STRADA: variants seen among roughly 807,000 people sequenced by gnomAD.
The protein encoded by STRADA is STE20-related kinase adapter protein alpha.
Under a neutral mutation model 55.0 loss-of-function variants are expected in STRADA, and 26 were observed. The ratio of observed to expected loss-of-function variants is 0.47; its 90% confidence interval spans 0.35 to 0.66. The LOEUF is 0.66. STRADA is among the 30% of genes least tolerant of loss of function. The pLI, the probability that STRADA is intolerant of heterozygous loss-of-function variation, is 0.01. For synonymous variants in STRADA, 197 were observed against 210.9 expected, an observed-to-expected ratio of 0.93 and a Z score of 0.57; for missense variants, 443 against 549.7, an observed-to-expected ratio of 0.81 and a Z score of 1.94.
intron 3 of STRADA, 74 bp from the exon 4 acceptor site, chr17:63,723,400 T>C: frequency 1.9e-6 from 3 of 1,572,322 alleles, no homozygotes; most frequent in South Asian, 2.2e-5. Context: ...ACAGCAATTA[T>C]TGTACTTAGG....
In STRADA at chr17:63,713,000, CA is replaced by C. The variant is rs5821401; in HGVS notation, c.348+405del. 4.4e-3 allele frequency among the ~76,000 whole-genome samples: 557 copies of C among 125,504 alleles called. 2 individuals are homozygous for C. Among genetic ancestry groups the C allele is most frequent in the Non-Finnish European group, 6.5e-3 (389 of 59,516 alleles). 82.3% of individuals were successfully genotyped at this position (125,504 alleles called of 152,430 possible). On this transcript the variant is annotated intron_variant, in intron 6 of 12. Transcript: ENST00000336174. Reference sequence around the variant, plus strand: ...TGGGTGACAGAGTGAGAATCCGTCTCAAAAAAAAAAAAAAAGAAAAGAAAAA... The same window carrying C: ...TGGGTGACAGAGTGAGAATCCGTCTCAAAAAAAAAAAAAAGAAAAGAAAAA...
At chr17:63,704,137 C>T (rs1366890889) in intron 11 of STRADA, 90 bp from the exon 12 acceptor site, 2 of 1,547,752 alleles carry the variant, frequency 1.3e-6, no homozygotes, top group African/African-American at 1.4e-5. Flanking sequence ...CCTCGGGTCC[C>T]CTCTCCCTCT....
intron 1 of STRADA, among the ~76,000 whole-genome samples, chr17:63,735,067 A>G (rs2038320115): frequency 6.6e-6 from 1 of 152,202 alleles, no homozygotes; most frequent in South Asian, 2.1e-4. Context: ...AGACAGGAGA[A>G]TCGTTTGAAC....
intron 1 of STRADA, among the ~76,000 whole-genome samples, chr17:63,733,363 T>TTA (rs1348405731): frequency 6.6e-6 from 1 of 151,990 alleles, no homozygotes; most frequent in Non-Finnish European, 1.5e-5. Flanking sequence ...ATCTTTTTTT[T>TTA]TTATTTCCTT....
rs2036440385 is a variant in STRADA, at chr17:63,710,715, C to T, written c.457+13G>A. Reference sequence around the variant, plus strand: ...CAATAACCCCTTTCTACCAAGAACCCTTTCCCACTCACCGTATGCCATGAA... The same window carrying T: ...CAATAACCCCTTTCTACCAAGAACCTTTTCCCACTCACCGTATGCCATGAA... On this transcript the variant is annotated intron_variant, in intron 7 of 12. Transcript: ENST00000336174. 2 of 1,614,114 alleles carry T rather than the reference C, an allele frequency of 1.2e-6. No homozygotes were observed. The highest frequency in any genetic ancestry group is 2.2e-5 in the South Asian group (2 of 91,072).
At chr17:63,717,342 T>C (rs1319965385) in intron 4 of STRADA, among the ~76,000 whole-genome samples, 1 of 152,170 alleles carries the variant, frequency 6.6e-6, no homozygotes, top group Non-Finnish European at 1.5e-5. Context: ...GAGTCTCACT[T>C]TGTCACCCAG....
chr17:63,738,987 T>C (rs906818600), intron 1 of STRADA, among the ~76,000 whole-genome samples: 3 of 151,382 alleles, frequency 2.0e-5, no homozygotes, highest in Admixed American at 6.6e-5. Flanking sequence ...TCATCTCTAC[T>C]AAAATTACAA....
At chr17:63,721,590 T>C (rs2037327908) in intron 4 of STRADA, among the ~76,000 whole-genome samples, 1 of 151,354 alleles carries the variant, frequency 6.6e-6, no homozygotes, top group Non-Finnish European at 1.5e-5. Flanking sequence ...GGCACAGGCC[T>C]GTAATCCCAG....
intron 10 of STRADA, 43 bp from the exon 11 acceptor site, chr17:63,704,625 G>GTA: frequency 4.0e-6 from 4 of 990,996 alleles, no homozygotes; most frequent in Non-Finnish European, 4.3e-6. Flanking sequence ...GCGGGTGGGG[G>GTA]GGGGGGGTGG....
intron 4 of STRADA, among the ~76,000 whole-genome samples, chr17:63,721,893 C>T (rs960855539): frequency 2.6e-5 from 4 of 152,048 alleles, no homozygotes; most frequent in African/African-American, 7.2e-5. Context: ...TGTATAGGTC[C>T]GAACTCAAAG....
At chr17:63,720,785 A>T (rs2037251171) in intron 4 of STRADA, among the ~76,000 whole-genome samples, 1 of 149,024 alleles carries the variant, frequency 6.7e-6, no homozygotes, top group African/African-American at 2.5e-5. Flanking sequence ...AAAAAAAAAA[A>T]AAAAAGTAAA....
chr17:63,730,971 G>A (rs1047041451), intron 1 of STRADA, among the ~76,000 whole-genome samples: 2 of 150,924 alleles, frequency 1.3e-5, no homozygotes, highest in African/African-American at 2.4e-5. Flanking sequence ...TTTTGAGATG[G>A]AGTCTCGCTC....
chr17:63,731,071 G>A (rs1001014537), intron 1 of STRADA, among the ~76,000 whole-genome samples: 1 of 151,950 alleles, frequency 6.6e-6, no homozygotes, highest in Non-Finnish European at 1.5e-5. Flanking sequence ...AGCCTCCTGA[G>A]TAGCTGGGAC....
At chr17:63,713,575 G>C in intron 5 of STRADA, 48 bp from the exon 6 acceptor site, 2 of 1,583,924 alleles carry the variant, frequency 1.3e-6, no homozygotes, top group Middle Eastern at 1.7e-4. Context: ...ACAACAAAAG[G>C]TTTTAAGAAA....
chr17:63,720,847 A>G (rs185666283), intron 4 of STRADA, among the ~76,000 whole-genome samples: 1 of 152,122 alleles, frequency 6.6e-6, no homozygotes, highest in East Asian at 1.9e-4. Flanking sequence ...CTGTAATCCC[A>G]GCACTTTGGG....
intron 4 of STRADA, among the ~76,000 whole-genome samples, chr17:63,720,513 A>G (rs62077481): frequency 0.7 from 106,102 of 151,438 alleles, 38,590 homozygotes; most frequent in African/African-American, 0.92. Flanking sequence ...GGTGGCTCAC[A>G]CCTGTAATCC....
chr17:63,732,089 C>T (rs973573634), intron 1 of STRADA, among the ~76,000 whole-genome samples: 6 of 152,030 alleles, frequency 3.9e-5, no homozygotes, highest in African/African-American at 9.7e-5. Flanking sequence ...AGGATGGTCT[C>T]GATCTCCTGA....
chr17:63,708,489 T>A (rs2036270075), intron 8 of STRADA, among the ~76,000 whole-genome samples: 1 of 151,866 alleles, frequency 6.6e-6, no homozygotes. Flanking sequence ...GCTATAACTA[T>A]GTTTTAATGA....
chr17:63,717,999 G>C lies in STRADA; in HGVS notation c.124-3891C>G, dbSNP rs1427046353. Among the ~76,000 whole-genome samples the C allele has an allele frequency of 1.3e-5, 2 of 152,144 alleles. 1 individual carries two copies. Among genetic ancestry groups the C allele is most frequent in the South Asian group, 4.1e-4 (2 of 4,830 alleles). ...CACCCAGGCTGGAGTGCAGTGGCAA[G>C]ATGATGGCTCACTGCAACCTCAATC... On this transcript the variant is annotated intron_variant, in intron 4 of 12. Transcript: ENST00000336174.
Sources: allele counts gnomAD v4.1 joint callset (sites outside exome capture counted in the v4.1 genomes callset), GRCh38; gene constraint gnomAD v4.1.1; transcripts MANE v1.5; gene names NCBI Gene and HGNC (gene_info 2026-07-23, HGNC 2026-07-21).